Variants in ZNF862 observed in about 807,000 individuals in gnomAD.
ZNF862 encodes the protein zinc finger protein 862.
Under a neutral mutation model 91.1 loss-of-function variants are expected in ZNF862, and 64 were observed. The observed-to-expected ratio is 0.70, with a 90% confidence interval of 0.57 to 0.87. The LOEUF is 0.87. Ranked by LOEUF, ZNF862 falls within the 40% of genes least tolerant of loss-of-function variation. ZNF862 has a pLI of 0.00. For missense variants in ZNF862, 1,459 were observed against 1,528.0 expected, an observed-to-expected ratio of 0.95 and a Z score of 0.75; for synonymous variants, 631 against 618.1, an observed-to-expected ratio of 1.02 and a Z score of -0.31.
rs953382035 is a variant in ZNF862, at chr7:149,864,438, C to T, written c.*154C>T. 9.6e-6 allele frequency: 7 copies of T among 732,138 alleles called. No individual in the cohort carries two copies. The African/African-American group carries it at 1.2e-4, about 13-fold the overall frequency. The allele number at this position is 732,138 out of a possible 1,614,324, so 45.4% of individuals were successfully genotyped here. The stretch of plus-strand genomic sequence containing the variant: ...TGGCATCCCAGAGCAGCAGGGGTAT[C>T]AGGAGGTGCATGACCTGTTTCCTGA... On this transcript the variant is annotated 3_prime_UTR_variant, in exon 8 of 8. Coordinates refer to ENST00000223210, the MANE Select transcript of ZNF862 (RefSeq NM_001099220.3).
chr7:149,847,062 T>TA (rs1168994408), intron 3 of ZNF862, among the ~76,000 whole-genome samples: 14 of 152,220 alleles, frequency 9.2e-5, no homozygotes, highest in Admixed American at 4.6e-4. Flanking sequence ...CCACAGGAGT[T>TA]AGAGTCTTTT....
chr7:149,863,717 T>C (rs1802604482), intron 7 of ZNF862, among the ~76,000 whole-genome samples: 1 of 152,148 alleles, frequency 6.6e-6, no homozygotes, highest in Non-Finnish European at 1.5e-5. Context: ...CAGGCAGGGC[T>C]CTCAGCCTTG....
intron 7 of ZNF862, among the ~76,000 whole-genome samples, 179 bp downstream of exon 7, chr7:149,862,673 G>A (rs921048509): frequency 3.9e-5 from 6 of 152,220 alleles, no homozygotes; most frequent in Admixed American, 2.0e-4. Context: ...GGGAGATGAC[G>A]CACATGTGCT....
chr7:149,848,723 T>C (rs947297594), intron 4 of ZNF862, among the ~76,000 whole-genome samples: 5 of 152,256 alleles, frequency 3.3e-5, no homozygotes, highest in Admixed American at 6.5e-5. Context: ...CAATCATCTT[T>C]ATTCAGAATC....
Position 149,838,507 on chromosome 7 carries a change from G to T in ZNF862, c.-105G>T. ...GGCCGCGCTCCCTCCCTACCTGGGT[G>T]CCCTCCCCCTCCGGGAGCCTGGGTC... On this transcript the variant is annotated 5_prime_UTR_variant, in exon 1 of 8. Transcript: ENST00000223210. 5 of 749,482 alleles carry T rather than the reference G, an allele frequency of 6.7e-6. No homozygotes were observed. Among genetic ancestry groups the T allele is most frequent in the Non-Finnish European group, 9.1e-6 (5 of 547,096 alleles). The allele number at this position is 749,482 out of a possible 1,614,324, so 46.4% of individuals were successfully genotyped here. A position where few individuals can be genotyped will look rare whatever the true frequency, so the allele number is the denominator to read the frequency against.
chr7:149,861,091 TC>T lies in ZNF862; in HGVS notation c.1933del (p.Arg645AlafsTer8). ...ASEQACVGIYIRYFKQMEVKE... is the reference protein window; with the variant it reads ...ASEQACVGIYXRYFKQMEVKE... Reference sequence around the variant, plus strand: ...GAGCAGGCCTGCGTGGGGATTTACATCCGCTACTTCAAGCAGATGGAGGTGA... The same window carrying T: ...GAGCAGGCCTGCGTGGGGATTTACATCGCTACTTCAAGCAGATGGAGGTGA... On this transcript the variant is annotated frameshift_variant, in exon 7 of 8. Coordinates refer to ENST00000223210, the MANE Select transcript of ZNF862 (RefSeq NM_001099220.3). LOFTEE classifies it high-confidence loss of function. The surrounding 1 kb of genome is among the most constrained non-coding windows in gnomAD (Gnocchi z 6.7). 6.2e-7 allele frequency: 1 copy of T among 1,612,808 alleles called. No homozygotes were observed. Among genetic ancestry groups the T allele is most frequent in the South Asian group, 1.1e-5 (1 of 91,028 alleles).
In ZNF862 at chr7:149,847,839, A is replaced by G. The variant is rs1476404237; in HGVS notation, c.346A>G (p.Ser116Gly). The G allele has an allele frequency of 6.2e-7, 1 of 1,613,690 alleles. No individual in the cohort carries two copies. The highest frequency in any genetic ancestry group is 1.7e-5 in the Admixed American group (1 of 59,970). ...PQKKAYLSHLSTGSGHIEGDW... is the reference protein window; with the variant it reads ...PQKKAYLSHLGTGSGHIEGDW... The stretch of plus-strand genomic sequence containing the variant: ...GAAGAAAGCCTACCTTTCCCACCTC[A>G]GTACAGGCAGTGGACACATCGAGGG... The change falls in exon 4 of 8, where the codon AGT becomes GGT. Residue 116 changes from serine (S) to glycine (G), a missense_variant. By Grantham distance (56) the Ser-to-Gly change is moderately conservative. Coordinates refer to ENST00000223210, the MANE Select transcript of ZNF862 (RefSeq NM_001099220.3).
rs765870386 is a variant in ZNF862, at chr7:149,838,576, G to C, written c.-36G>C. 2.5e-6 allele frequency: 3 copies of C among 1,210,274 alleles called. No individual in the cohort carries two copies. In the East Asian group the frequency reaches 9.5e-5, roughly 38 times the overall value. The allele number at this position is 1,210,274 out of a possible 1,614,324, so 75.0% of individuals were successfully genotyped here. A position where few individuals can be genotyped will look rare whatever the true frequency, so the allele number is the denominator to read the frequency against. ...GCTGCATCCTCAGGCCAGGCCGCGG[G>C]GGGAGGGGGCGGCACGGGCCTCCGA... On this transcript the variant is annotated 5_prime_UTR_variant, in exon 1 of 8. Transcript: ENST00000223210.
rs1802035428 is a variant in ZNF862 at position 149,850,501 on chromosome 7, CTG to C, written c.1117+166_1117+167del. ...CTCATAACTCCCCTGCTTGGGGTAA[CTG>C]TGCTTTATCACCTTCTCATCCACCC... On this transcript the variant is annotated intron_variant, in intron 5 of 7. Transcript: ENST00000223210. The surrounding 1 kb of genome is among the most constrained non-coding windows in gnomAD (Gnocchi z 4.2). The C allele has an allele frequency of 4.5e-5, 31 of 695,942 alleles. No individual in the cohort carries two copies. In the South Asian group the frequency reaches 5.8e-4, roughly 13 times the overall value. 43.1% of individuals were successfully genotyped at this position (695,942 alleles called of 1,614,324 possible).
intron 5 of ZNF862, among the ~76,000 whole-genome samples, chr7:149,851,091 A>C (rs548374984): frequency 2.6e-5 from 4 of 152,344 alleles, no homozygotes; most frequent in Non-Finnish European, 5.9e-5. Context: ...ATGAAGCATC[A>C]AGATGGAAAG....
At position 149,861,521 on chromosome 7, in the gene ZNF862, C is replaced by A; in HGVS notation, c.2361C>A (p.Val787=). 2 of 1,607,914 alleles carry A rather than the reference C, an allele frequency of 1.2e-6. No individual in the cohort carries two copies. The highest frequency in any genetic ancestry group is 1.7e-6 in the Non-Finnish European group (2 of 1,177,854). ...TCCGCCTGAAGGATCTGAATGCGGT[C>A]CGCTGGGTGGCCAGCAGGAGGCGCA... ...EIIRLKDLNA[V]RWVASRRRTL... is the part of the protein sequence containing the mutation. The change falls in exon 7 of 8, where the codon GTC becomes GTA. Residue 787 remains valine (V), a synonymous_variant. Transcript: ENST00000223210. The surrounding 1 kb of genome is among the most constrained non-coding windows in gnomAD (Gnocchi z 6.7).
intron 7 of ZNF862, among the ~76,000 whole-genome samples, chr7:149,862,744 A>G (rs1265648631): frequency 6.6e-6 from 1 of 152,246 alleles, no homozygotes; most frequent in East Asian, 1.9e-4. Context: ...CCCTGGTGAC[A>G]GTGCTGTGCT....
chr7:149,856,210 T>A (rs1319880113), intron 5 of ZNF862: 1 of 152,264 alleles, frequency 6.6e-6, no homozygotes, highest in African/African-American at 2.4e-5. Context: ...GCAGCCGGAA[T>A]CACACTTTCA....
chr7:149,864,143 C>A lies in ZNF862; in HGVS notation c.3369C>A (p.Leu1123=). The A allele has an allele frequency of 6.3e-7, 1 of 1,591,910 alleles. No homozygotes were observed. Residue 1123 remains leucine (L), a synonymous_variant, in exon 8 of 8, where the codon CTC becomes CTA. Transcript: ENST00000223210. The part of the protein sequence containing the change: ...ARLRKEEMGA[L]YVEEPRTQKP... ...TCAGGAAGGAGGAGATGGGAGCCCT[C>A]TATGTGGAGGAGCCCAGGACCCAGA... is the stretch of plus-strand genomic sequence containing the variant.
rs17172937 is a variant in ZNF862 at position 149,850,920 on chromosome 7, C to T, written c.1117+582C>T. 0.23 allele frequency: 35,802 copies of T among 153,058 alleles called. 4,553 individuals are homozygous for T. Among genetic ancestry groups the T allele is most frequent in the Non-Finnish European group, 0.29 (19,892 of 68,656 alleles). The allele number at this position is 153,058 out of a possible 1,614,324, so 9.5% of individuals were successfully genotyped here. A position where few individuals can be genotyped will look rare whatever the true frequency, so the allele number is the denominator to read the frequency against. Reference sequence around the variant, plus strand: ...AGGCTCCTGCATCCTGGCCAGGCGCCGGCAAGGGTTGGCAGCCTTCAGCAC... The same window carrying T: ...AGGCTCCTGCATCCTGGCCAGGCGCTGGCAAGGGTTGGCAGCCTTCAGCAC... On this transcript the variant is annotated intron_variant, in intron 5 of 7. Transcript: ENST00000223210. The surrounding 1 kb of genome is among the most constrained non-coding windows in gnomAD (Gnocchi z 4.2).
chr7:149,839,996 G>A (rs1801642576), intron 1 of ZNF862, among the ~76,000 whole-genome samples: 1 of 151,972 alleles, frequency 6.6e-6, no homozygotes, highest in Non-Finnish European at 1.5e-5. Context: ...AGCCTTTAAC[G>A]GGAGAAGAGA....
intron 5 of ZNF862, 117 bp from the exon 6 acceptor site, chr7:149,859,305 T>C: frequency 2.0e-6 from 2 of 995,820 alleles, no homozygotes; most frequent in Non-Finnish European, 3.1e-6. Context: ...GACTAGACTT[T>C]ATAAGGACAG....
chr7:149,848,476 C>T, intron 4 of ZNF862, 44 bp downstream of exon 4: 1 of 1,396,406 alleles, frequency 7.2e-7, no homozygotes, highest in Non-Finnish European at 9.5e-7. Context: ...GAGAAGGATT[C>T]TATACTGAGA....
intron 1 of ZNF862, chr7:149,841,515 G>A: frequency 2.0e-6 from 2 of 983,898 alleles, no homozygotes; most frequent in Non-Finnish European, 2.4e-6. Context: ...TACATCCCCA[G>A]CTAGAACAGT....
Sources: allele counts gnomAD v4.1 joint callset (sites outside exome capture counted in the v4.1 genomes callset), GRCh38; gene constraint gnomAD v4.1.1; non-coding constraint Gnocchi (gnomAD v3.1); transcripts MANE v1.5; gene names NCBI Gene and HGNC (gene_info 2026-07-23, HGNC 2026-07-21).